Variants in FXYD6 observed in about 807,000 individuals in gnomAD.
FXYD6 encodes FXYD domain containing ion transport regulator 6, also known as FXYD domain-containing ion transport regulator 6.
In FXYD6, 7 loss-of-function variants were observed where a neutral mutation model predicts 16.7. The ratio of observed to expected loss-of-function variants is 0.42; its 90% CI spans 0.24 to 0.79. The LOEUF is 0.79. Among genes scored for constraint, FXYD6 ranks in the 30% least tolerant of loss-of-function variants. The probability of loss-of-function intolerance (pLI) is 0.28; values close to 1 mark genes in which losing one functional copy is unlikely to be tolerated. For synonymous variants in FXYD6, 49 were observed against 43.0 expected (o/e 1.14, Z -0.54); for missense variants, 111 against 116.2 (o/e 0.95, Z 0.21).
At chr11:117,844,849 G>A (rs1473954173) in intron 1 of FXYD6, among the ~76,000 whole-genome samples, 1 of 152,132 alleles carries the variant, frequency 6.6e-6, no homozygotes, top group African/African-American at 2.4e-5. Flanking sequence ...CCAATCAACA[G>A]ATATAAAATT....
chr11:117,868,824 G>GA (rs1188300625), intron 1 of FXYD6: 1 of 152,130 alleles, frequency 6.6e-6, no homozygotes, highest in Admixed American at 6.5e-5. Context: ...TCTATTCGTA[G>GA]AAAAATAATA....
intron 1 of FXYD6, among the ~76,000 whole-genome samples, chr11:117,858,737 C>CTTCT (rs1936777884): frequency 8.9e-6 from 1 of 112,510 alleles, no homozygotes; most frequent in African/African-American, 3.6e-5. Flanking sequence ...TCCTTCCTTC[C>CTTCT]TTCCTTCCTT....
At chr11:117,856,473 G>A (rs2056728275) in intron 1 of FXYD6, among the ~76,000 whole-genome samples, 1 of 152,152 alleles carries the variant, frequency 6.6e-6, no homozygotes, top group African/African-American at 2.4e-5. Flanking sequence ...CGGATGACAA[G>A]CTCTGAGGGG....
rs111961150 is a variant in FXYD6 at position 117,839,593 on chromosome 11, G to A, written c.*21+188C>T. 493 of 612,804 alleles carry A rather than the reference G, an allele frequency of 8.0e-4. 5 individuals carry two copies. Among genetic ancestry groups the A allele is most frequent in the African/African-American group, 7.9e-3 (432 of 54,374 alleles). 38.0% of individuals were successfully genotyped at this position (612,804 alleles called of 1,614,324 possible). On this transcript the variant is annotated intron_variant, in intron 7 of 7. Transcript: ENST00000526014. ...GGCATGCATGTGTGTGGGACACTTC[G>A]GGTGTTTCTAGTCCTGGTCTCTCTC...
chr11:117,859,230 G>T (rs1307264517), intron 1 of FXYD6, among the ~76,000 whole-genome samples: 1 of 152,228 alleles, frequency 6.6e-6, no homozygotes, highest in Non-Finnish European at 1.5e-5. Flanking sequence ...ACCCAGTTCG[G>T]CAGGACACTG....
chr11:117,842,207 A>C, intron 2 of FXYD6, 179 bp from the exon 3 acceptor site: 2 of 852,126 alleles, frequency 2.3e-6, no homozygotes, highest in Admixed American at 2.8e-5. Flanking sequence ...GGTTAGGGGA[A>C]CCCTAAGGGC....
intron 2 of FXYD6, 191 bp from the exon 3 acceptor site, chr11:117,842,219 G>A (rs1189699360): frequency 1.1e-5 from 8 of 742,054 alleles, no homozygotes; most frequent in African/African-American, 1.8e-5. Flanking sequence ...CCTAAGGGCC[G>A]AGGTCAGTGA....
chr11:117,858,723 CCCT>C (rs2056823503), intron 1 of FXYD6, among the ~76,000 whole-genome samples: 115 of 41,224 alleles, frequency 2.8e-3, no homozygotes, highest in African/African-American at 6.9e-3. Context: ...CTCCTTCCTT[CCCT>C]TCCTTCCTTC....
At chr11:117,862,151 C>T (rs768104710) in intron 1 of FXYD6, among the ~76,000 whole-genome samples, 2 of 152,226 alleles carry the variant, frequency 1.3e-5, no homozygotes, top group South Asian at 4.1e-4. Context: ...GGCTTCGAGA[C>T]GGGAGAGGCT....
chr11:117,862,240 G>A (rs893035712), intron 1 of FXYD6, among the ~76,000 whole-genome samples: 2 of 152,242 alleles, frequency 1.3e-5, no homozygotes, highest in African/African-American at 4.8e-5. Flanking sequence ...CAGGAGAGGT[G>A]GAGGCTGCTG....
At chr11:117,858,819 G>C (rs2056836482) in intron 1 of FXYD6, among the ~76,000 whole-genome samples, 1 of 145,194 alleles carries the variant, frequency 6.9e-6, no homozygotes, top group Non-Finnish European at 1.5e-5. Context: ...CTGTCACCAG[G>C]CTGGAGTGTG....
At chr11:117,838,544 T>G in intron 7 of FXYD6, 3 of 476,034 alleles carry the variant, frequency 6.3e-6, no homozygotes, top group Non-Finnish European at 1.1e-5. Context: ...AGCCTTAGGA[T>G]AAAAGGTTTC....
intron 1 of FXYD6, among the ~76,000 whole-genome samples, chr11:117,852,132 A>G (rs2056624137): frequency 6.6e-6 from 1 of 152,240 alleles, no homozygotes; most frequent in South Asian, 2.1e-4. Context: ...TTCTACCACA[A>G]GGAGATGAAT....
chr11:117,863,422 T>A (rs1324083409), intron 1 of FXYD6, among the ~76,000 whole-genome samples: 3 of 150,736 alleles, frequency 2.0e-5, no homozygotes, highest in African/African-American at 7.3e-5. Flanking sequence ...AGGAAAACAT[T>A]CAACAAATTA....
intron 1 of FXYD6, among the ~76,000 whole-genome samples, chr11:117,852,509 C>A (rs1197089799): frequency 6.6e-6 from 1 of 152,226 alleles, no homozygotes; most frequent in Non-Finnish European, 1.5e-5. Flanking sequence ...CTGCTTATAT[C>A]ATCATTCCTT....
chr11:117,858,922 C>T (rs188911495), intron 1 of FXYD6, among the ~76,000 whole-genome samples: 8 of 151,888 alleles, frequency 5.3e-5, no homozygotes, highest in African/African-American at 1.7e-4. Context: ...ACTACAGGTG[C>T]GAACCACCAC....
At chr11:117,864,255 A>G (rs554900846) in intron 1 of FXYD6, among the ~76,000 whole-genome samples, 52 of 152,352 alleles carry the variant, frequency 3.4e-4, no homozygotes, top group African/African-American at 1.2e-3. Context: ...TATATACACC[A>G]ATAGAGTAGG....
intron 1 of FXYD6, among the ~76,000 whole-genome samples, chr11:117,848,864 T>C (rs2056539416): frequency 6.6e-6 from 1 of 152,218 alleles, no homozygotes; most frequent in African/African-American, 2.4e-5. Flanking sequence ...CCCTTTCTTC[T>C]TGGTCAGTTT....
At chr11:117,862,807 G>A (rs2056938058) in intron 1 of FXYD6, among the ~76,000 whole-genome samples, 1 of 152,272 alleles carries the variant, frequency 6.6e-6, no homozygotes, top group South Asian at 2.1e-4. Flanking sequence ...AGGAGGTCAC[G>A]GCAAGATGTA....
Sources: gnomAD v4.1 joint callset for allele counts (sites outside exome capture counted in the v4.1 genomes callset) on GRCh38, gnomAD v4.1.1 for gene constraint, MANE v1.5 for transcripts, NCBI Gene and HGNC (gene_info 2026-07-23, HGNC 2026-07-21) for gene names.